The following EEPD1 variants were observed in gnomAD, a reference collection of about 807,000 sequenced individuals.
The protein encoded by EEPD1 is endonuclease/exonuclease/phosphatase family domain-containing protein 1.
In EEPD1, 17 loss-of-function variants were observed where a neutral mutation model predicts 46.3. The observed-to-expected ratio is 0.37, with a 90% CI of 0.25 to 0.55. The LOEUF (loss-of-function observed/expected upper bound fraction) is 0.55, where lower values mean the gene tolerates loss of function less well. Ranked by LOEUF, EEPD1 falls within the 20% of genes least tolerant of loss-of-function variation. The pLI is 0.83. For synonymous variants in EEPD1, 313 were observed against 315.6 expected (o/e 0.99, Z 0.09); for missense variants, 673 against 745.6 (o/e 0.90, Z 1.13).
At chr7:36,180,459 G>C (rs539325563) in intron 2 of EEPD1, among the ~76,000 whole-genome samples, 2 of 152,172 alleles carry the variant, frequency 1.3e-5, no homozygotes, top group Non-Finnish European at 2.9e-5. Context: ...CAGGGCCATC[G>C]TGCCCCTCCT....
In EEPD1 at chr7:36,218,142, G is replaced by T. The variant is rs1381031604; in HGVS notation, c.879-20843G>T. On this transcript the variant is annotated intron_variant, in intron 2 of 7. Coordinates refer to ENST00000242108, the MANE Select transcript of EEPD1 (RefSeq NM_030636.3). ...AAGAACTGCGTAACGGTCCCTAGGGGCCCAGGGCAGAGCCAGTATCATTCT... is the reference window on the plus strand; with the variant it reads ...AAGAACTGCGTAACGGTCCCTAGGGTCCCAGGGCAGAGCCAGTATCATTCT... Among the ~76,000 whole-genome samples, 3 of 152,246 alleles carry T rather than the reference G, an allele frequency of 2.0e-5. No homozygotes were observed. In the East Asian group the frequency reaches 5.8e-4, roughly 29 times the overall value.
At chr7:36,260,167 A>G (rs753443301) in intron 3 of EEPD1, among the ~76,000 whole-genome samples, 1 of 152,248 alleles carries the variant, frequency 6.6e-6, no homozygotes, top group Non-Finnish European at 1.5e-5. Flanking sequence ...TCATTTTGTC[A>G]TAGGGATTCC....
intron 2 of EEPD1, among the ~76,000 whole-genome samples, chr7:36,197,071 C>T (rs1785612858): frequency 1.3e-5 from 2 of 150,132 alleles, no homozygotes; most frequent in African/African-American, 4.9e-5. Flanking sequence ...ACGACCCCGT[C>T]TGGGAGGTGA....
chr7:36,291,892 G>C (rs949142849), intron 6 of EEPD1, among the ~76,000 whole-genome samples: 29 of 152,208 alleles, frequency 1.9e-4, no homozygotes, highest in African/African-American at 7.0e-4. Context: ...AGCCCAGCTG[G>C]GGGGCGAGTG....
At position 36,180,116 on chromosome 7, in the gene EEPD1, A is replaced by G. The variant is rs117394674; in HGVS notation, c.878+24914A>G. Among the ~76,000 whole-genome samples, 632 of 152,312 alleles carry G rather than the reference A, an allele frequency of 4.1e-3. 1 individual carries two copies. The highest frequency in any genetic ancestry group is 6.3e-3 in the Non-Finnish European group (430 of 68,016). On this transcript the variant is annotated intron_variant, in intron 2 of 7. Transcript: ENST00000242108. ...AGAGAGCAGTAAGAAAGACTCTAAG[A>G]AGACTCTTTCCACCAAATTAAGTTC...
intron 2 of EEPD1, among the ~76,000 whole-genome samples, chr7:36,163,394 G>A (rs1462896119): frequency 6.6e-6 from 1 of 152,024 alleles, no homozygotes; most frequent in Non-Finnish European, 1.5e-5. Context: ...CCACTTGGTG[G>A]TAGAGGTTGT....
At chr7:36,172,748 A>G (rs1785108691) in intron 2 of EEPD1, among the ~76,000 whole-genome samples, 1 of 151,676 alleles carries the variant, frequency 6.6e-6, no homozygotes. Context: ...CTGCTTTATA[A>G]TAAGCCAATA....
chr7:36,260,234 C>G (rs945849274), intron 3 of EEPD1, among the ~76,000 whole-genome samples: 2 of 152,188 alleles, frequency 1.3e-5, no homozygotes, highest in African/African-American at 4.8e-5. Context: ...GGTTTCTTAT[C>G]AGGCAGGTCT....
intron 2 of EEPD1, among the ~76,000 whole-genome samples, chr7:36,202,200 A>C (rs1255605126): frequency 6.6e-6 from 1 of 152,184 alleles, no homozygotes; most frequent in African/African-American, 2.4e-5. Flanking sequence ...GTGAGAACTG[A>C]GAAATGTGAA....
rs370435564 is a variant in EEPD1, at chr7:36,225,074, C to T, written c.879-13911C>T. On this transcript the variant is annotated intron_variant, in intron 2 of 7. Transcript: ENST00000242108. The surrounding 1 kb of genome is among the most constrained non-coding windows in gnomAD (Gnocchi z 4.2). Reference sequence around the variant, plus strand: ...ACAAAAAAAAAATAGGCTCTCCTCTCGAGCCTCCAGAGGGAGTGCGGCCAT... The same window carrying T: ...ACAAAAAAAAAATAGGCTCTCCTCTTGAGCCTCCAGAGGGAGTGCGGCCAT... Among the ~76,000 whole-genome samples the T allele has an allele frequency of 2.4e-4, 37 of 152,144 alleles. No individual in the cohort carries two copies. Among genetic ancestry groups the T allele is most frequent in the African/African-American group, 8.7e-4 (36 of 41,498 alleles).
chr7:36,173,257 G>A (rs904750331), intron 2 of EEPD1, among the ~76,000 whole-genome samples: 1 of 151,016 alleles, frequency 6.6e-6, no homozygotes, highest in African/African-American at 2.4e-5. Context: ...GGGAGGCCAA[G>A]GGGGGCGGAT....
intron 3 of EEPD1, among the ~76,000 whole-genome samples, chr7:36,248,410 T>C (rs911696240): frequency 6.6e-6 from 1 of 151,774 alleles, no homozygotes; most frequent in African/African-American, 2.4e-5. Flanking sequence ...TTTCACTGCA[T>C]TTCCCAGGCT....
At chr7:36,290,107 C>T (rs1349784843) in intron 6 of EEPD1, among the ~76,000 whole-genome samples, 1 of 152,220 alleles carries the variant, frequency 6.6e-6, no homozygotes, top group East Asian at 1.9e-4. Context: ...AACTTGATAG[C>T]TTGTCACATC....
intron 6 of EEPD1, among the ~76,000 whole-genome samples, 179 bp downstream of exon 6, chr7:36,287,956 C>G (rs1020199747): frequency 6.6e-6 from 1 of 152,228 alleles, no homozygotes; most frequent in African/African-American, 2.4e-5. Context: ...ACGGCCACAT[C>G]TGTGCCTCTG....
intron 3 of EEPD1, among the ~76,000 whole-genome samples, chr7:36,269,947 C>G (rs1325793104): frequency 6.6e-6 from 1 of 152,132 alleles, no homozygotes; most frequent in African/African-American, 2.4e-5. Context: ...AGAAATGAAC[C>G]TCAAAAAGGC....
chr7:36,248,346 C>T (rs1583832245), intron 3 of EEPD1, among the ~76,000 whole-genome samples: 1 of 151,646 alleles, frequency 6.6e-6, no homozygotes, highest in African/African-American at 2.4e-5. Flanking sequence ...GCTGGAATTA[C>T]AGGCTTGCAC....
chr7:36,224,138 A>G (rs977029467), intron 2 of EEPD1, among the ~76,000 whole-genome samples: 3 of 152,228 alleles, frequency 2.0e-5, no homozygotes, highest in African/African-American at 7.2e-5. Context: ...CTTTTTAAAA[A>G]GTGGCATTAA....
At chr7:36,186,279 A>G (rs1462025071) in intron 2 of EEPD1, among the ~76,000 whole-genome samples, 1 of 151,974 alleles carries the variant, frequency 6.6e-6, no homozygotes, top group African/African-American at 2.4e-5. Context: ...CTTCCTCAAA[A>G]TCTACCTCTG....
chr7:36,298,879 C>G, intron 7 of EEPD1, 128 bp from the exon 8 acceptor site: 1 of 1,042,508 alleles, frequency 9.6e-7, no homozygotes, highest in South Asian at 1.5e-5. Context: ...CTTCCAGCTA[C>G]CTGAGGCAGC....
Sources: gnomAD v4.1 joint callset for allele counts (sites outside exome capture counted in the v4.1 genomes callset) on GRCh38, gnomAD v4.1.1 for gene constraint, Gnocchi (gnomAD v3.1) non-coding constraint, MANE v1.5 for transcripts, NCBI Gene and HGNC (gene_info 2026-07-23, HGNC 2026-07-21) for gene names.